The following KIAA0825 variants were observed in gnomAD, a reference collection of about 807,000 sequenced individuals.
KIAA0825 encodes KIAA0825.
In KIAA0825, 119 loss-of-function variants were observed where a neutral mutation model predicts 147.6. The observed-to-expected ratio is 0.81, with a 90% CI of 0.69 to 0.94. The LOEUF (loss-of-function observed/expected upper bound fraction) is 0.94, where lower values mean the gene tolerates loss of function less well. Ranked by LOEUF, KIAA0825 falls within the 40% of genes least tolerant of loss-of-function variation. KIAA0825 has a pLI of 0.00. For synonymous variants in KIAA0825, 470 were observed against 518.1 expected (o/e 0.91, Z 1.26); for missense variants, 1,381 against 1,472.7 (o/e 0.94, Z 1.02).
chr5:94,232,271 T>C (rs1291823749), intron 20 of KIAA0825, among the ~76,000 whole-genome samples: 1 of 152,104 alleles, frequency 6.6e-6, no homozygotes, highest in East Asian at 1.9e-4. Flanking sequence ...TTTTTCCATA[T>C]ATACCTTTGT....
intron 20 of KIAA0825, among the ~76,000 whole-genome samples, chr5:94,347,853 C>T (rs1562401518): frequency 6.6e-6 from 1 of 151,858 alleles, no homozygotes; most frequent in Admixed American, 6.6e-5. Context: ...CAGGGAGGGA[C>T]CAAAGAAAGG....
intron 20 of KIAA0825, among the ~76,000 whole-genome samples, chr5:94,213,017 C>A (rs1320490888): frequency 6.6e-6 from 1 of 152,122 alleles, no homozygotes; most frequent in Non-Finnish European, 1.5e-5. Context: ...TCATTTAATT[C>A]TATCAATAGC....
At chr5:94,358,782 G>T (rs1028563425) in intron 20 of KIAA0825, among the ~76,000 whole-genome samples, 1 of 152,130 alleles carries the variant, frequency 6.6e-6, no homozygotes, top group African/African-American at 2.4e-5. Context: ...ATATTCTGGT[G>T]CAGTTATTCA....
intron 2 of KIAA0825, chr5:94,568,631 G>A (rs918090712): frequency 1.3e-5 from 2 of 152,288 alleles, no homozygotes; most frequent in African/African-American, 4.8e-5. Flanking sequence ...ACTTCTGACA[G>A]CCCTAGACCT....
At chr5:94,253,057 G>C (rs1478152612) in intron 20 of KIAA0825, among the ~76,000 whole-genome samples, 1 of 152,082 alleles carries the variant, frequency 6.6e-6, no homozygotes. Flanking sequence ...ATTTTTAAAA[G>C]CTTGTATTCA....
At position 94,403,550 on chromosome 5, in the gene KIAA0825, G is replaced by T; in HGVS notation, c.2887+19C>A. 6.5e-7 allele frequency: 1 copy of T among 1,540,112 alleles called. No individual in the cohort carries two copies. The highest frequency in any genetic ancestry group is 8.8e-7 in the Non-Finnish European group (1 of 1,137,876). ...GCTTCTTCAGGTGTATTTTCTTAAA[G>T]AGAAACAAGTGTACTTACTTTTGCA... On this transcript the variant is annotated intron_variant, in intron 16 of 20. Coordinates refer to ENST00000682413, the MANE Select transcript of KIAA0825 (RefSeq NM_001145678.3).
At chr5:94,435,838 A>C (rs1756295068) in intron 14 of KIAA0825, among the ~76,000 whole-genome samples, 1 of 152,016 alleles carries the variant, frequency 6.6e-6, no homozygotes, top group Non-Finnish European at 1.5e-5. Context: ...ATAGTATCTC[A>C]TTGTAGTTTT....
chr5:94,559,110 G>A (rs1414010508), intron 2 of KIAA0825, among the ~76,000 whole-genome samples: 1 of 151,474 alleles, frequency 6.6e-6, no homozygotes, highest in Non-Finnish European at 1.5e-5. Context: ...AGGATCCTCA[G>A]CCATGAAACT....
intron 20 of KIAA0825, among the ~76,000 whole-genome samples, chr5:94,188,917 C>T (rs920202144): frequency 1.3e-5 from 2 of 152,174 alleles, no homozygotes; most frequent in Non-Finnish European, 1.5e-5. Context: ...AATTACTTTA[C>T]ATCTTTGTCA....
intron 20 of KIAA0825, among the ~76,000 whole-genome samples, chr5:94,225,546 G>A (rs1298296004): frequency 6.6e-6 from 1 of 152,166 alleles, no homozygotes; most frequent in African/African-American, 2.4e-5. Context: ...AAGGGGATTA[G>A]TGCCCTAATA....
chr5:94,567,945 C>G (rs76070069), intron 2 of KIAA0825: 1 of 157,274 alleles, frequency 6.4e-6, no homozygotes, highest in South Asian at 2.0e-4. Context: ...AATAACCCAC[C>G]AATCCAAACT....
intron 1 of KIAA0825, among the ~76,000 whole-genome samples, chr5:94,591,401 G>C (rs1784332351): frequency 6.6e-6 from 1 of 152,172 alleles, no homozygotes; most frequent in Non-Finnish European, 1.5e-5. Context: ...CTGACTGTGG[G>C]TAAAGGGAAA....
intron 1 of KIAA0825, among the ~76,000 whole-genome samples, chr5:94,602,367 G>T (rs1786651449): frequency 6.6e-6 from 1 of 150,518 alleles, no homozygotes; most frequent in Admixed American, 6.6e-5. Flanking sequence ...AAAAAAAAAA[G>T]ATATTCCATG....
intron 20 of KIAA0825, among the ~76,000 whole-genome samples, chr5:94,303,918 C>A (rs1408929757): frequency 6.6e-6 from 1 of 151,992 alleles, no homozygotes; most frequent in African/African-American, 2.4e-5. Context: ...TAGCTTAATA[C>A]TATCATGATT....
At chr5:94,221,232 G>C (rs1306965841) in intron 20 of KIAA0825, among the ~76,000 whole-genome samples, 1 of 152,160 alleles carries the variant, frequency 6.6e-6, no homozygotes, top group Non-Finnish European at 1.5e-5. Context: ...GGAGGTTAGA[G>C]TAACCAGGAG....
intron 17 of KIAA0825, among the ~76,000 whole-genome samples, chr5:94,392,048 A>G (rs1186199316): frequency 2.0e-5 from 3 of 152,192 alleles, no homozygotes; most frequent in Non-Finnish European, 4.4e-5. Context: ...AATAATTTGT[A>G]TTTTCTCTTT....
chr5:94,564,583 T>A (rs1010376057), intron 2 of KIAA0825, among the ~76,000 whole-genome samples: 2 of 129,822 alleles, frequency 1.5e-5, no homozygotes, highest in Non-Finnish European at 3.2e-5. Flanking sequence ...TGTGTGTGTG[T>A]GATGGAGATG....
chr5:94,320,472 C>T (rs1489019427), intron 20 of KIAA0825, among the ~76,000 whole-genome samples: 1 of 150,758 alleles, frequency 6.6e-6, no homozygotes, highest in African/African-American at 2.4e-5. Flanking sequence ...CTGTCTTCAT[C>T]CACCCCCCTC....
At position 94,520,564 on chromosome 5, in the gene KIAA0825, T is replaced by C. The variant is rs1767977105; in HGVS notation, c.654A>G (p.Lys218=). 1 of 1,613,262 alleles carries C rather than the reference T, an allele frequency of 6.2e-7. No individual in the cohort carries two copies. The highest frequency in any genetic ancestry group is 8.5e-7 in the Non-Finnish European group (1 of 1,179,508). The change falls in exon 5 of 21, where the codon AAA becomes AAG. Residue 218 remains lysine (K), a synonymous_variant. Coordinates refer to ENST00000682413, the MANE Select transcript of KIAA0825 (RefSeq NM_001145678.3). ...AGTTCCACAGAAGATTAGCCAACAG[T>C]TTATTCTGTATGTTTTGGTATTTGA... ...VIIKYQNIQN[K]LLANLLWNCF...
Sources: allele counts gnomAD v4.1 joint callset (sites outside exome capture counted in the v4.1 genomes callset), GRCh38; gene constraint gnomAD v4.1.1; transcripts MANE v1.5; gene names NCBI Gene and HGNC (gene_info 2026-07-23, HGNC 2026-07-21).